The following ACYP2 variants were observed in gnomAD, a reference collection of about 807,000 sequenced individuals.
The protein encoded by ACYP2 is acylphosphatase 2.
ACYP2 carries 12 observed loss-of-function variants against 11.2 expected under a neutral mutation model. The ratio of observed to expected loss-of-function variants is 1.08; its 90% CI spans 0.69 to 1.74. ACYP2 has a LOEUF of 1.74. Ranked by LOEUF, ACYP2 falls within the 40% of genes most tolerant of loss-of-function variation. The probability of loss-of-function intolerance (pLI) is 0.00; values close to 1 mark genes in which losing one functional copy is unlikely to be tolerated. For synonymous variants in ACYP2, 43 were observed against 32.2 expected (o/e 1.33, Z -1.13); for missense variants, 134 against 101.9 (o/e 1.31, Z -1.35).
chr2:54,155,092 G>A (rs376197905), intron 6 of ACYP2, among the ~76,000 whole-genome samples: 14 of 152,048 alleles, frequency 9.2e-5, no homozygotes, highest in Non-Finnish European at 8.8e-5. Flanking sequence ...TTGTTTGTTC[G>A]TACTAATCTT....
intron 6 of ACYP2, among the ~76,000 whole-genome samples, chr2:54,174,536 C>A (rs1683355080): frequency 6.6e-6 from 1 of 152,074 alleles, no homozygotes; most frequent in Admixed American, 6.6e-5. Flanking sequence ...TGCCTGATTG[C>A]CCTGGCCAGA....
At chr2:54,253,865 A>G (rs1485641232) in intron 6 of ACYP2, 1 of 152,276 alleles carries the variant, frequency 6.6e-6, no homozygotes, top group African/African-American at 2.4e-5. Flanking sequence ...TTTACAGAAC[A>G]GCCTGCCTCT....
chr2:54,189,009 A>G (rs1025465707), intron 6 of ACYP2, among the ~76,000 whole-genome samples: 1 of 152,234 alleles, frequency 6.6e-6, no homozygotes, highest in African/African-American at 2.4e-5. Flanking sequence ...CCATTGGCAA[A>G]CAAACATGCT....
chr2:54,255,970 G>A (rs1465311180), intron 6 of ACYP2: 1 of 1,614,118 alleles, frequency 6.2e-7, no homozygotes, highest in Non-Finnish European at 8.5e-7. Flanking sequence ...GGGATCCTGG[G>A]GCGCGACCCC....
intron 6 of ACYP2, among the ~76,000 whole-genome samples, chr2:54,250,072 T>C (rs1687145851): frequency 6.6e-6 from 1 of 152,172 alleles, no homozygotes; most frequent in Non-Finnish European, 1.5e-5. Flanking sequence ...CTTTCTATTT[T>C]ATGCTCTAGA....
intron 6 of ACYP2, among the ~76,000 whole-genome samples, chr2:54,201,085 T>TA (rs1684732068): frequency 6.6e-6 from 1 of 151,556 alleles, no homozygotes; most frequent in South Asian, 2.1e-4. Flanking sequence ...CTTTGCCCAT[T>TA]AAAAAATTTG....
At chr2:54,152,835 A>G (rs982338487) in intron 6 of ACYP2, among the ~76,000 whole-genome samples, 1 of 151,690 alleles carries the variant, frequency 6.6e-6, no homozygotes, top group African/African-American at 2.4e-5. Context: ...TTGTTATTTT[A>G]TTAATTTTTT....
intron 6 of ACYP2, among the ~76,000 whole-genome samples, chr2:54,161,950 T>A (rs1682730653): frequency 6.6e-6 from 1 of 152,102 alleles, no homozygotes; most frequent in Admixed American, 6.6e-5. Context: ...TATTTTGGGA[T>A]TTTTTTAAAA....
intron 6 of ACYP2, among the ~76,000 whole-genome samples, chr2:54,222,290 C>T (rs974446340): frequency 6.6e-6 from 1 of 152,114 alleles, no homozygotes; most frequent in Admixed American, 6.5e-5. Context: ...TGGCTCATGC[C>T]TGTAGTCCTA....
At chr2:53,982,938 A>G (rs767431338) in intron 2 of ACYP2, among the ~76,000 whole-genome samples, 7 of 151,946 alleles carry the variant, frequency 4.6e-5, no homozygotes, top group Non-Finnish European at 7.4e-5. Context: ...CCTATAAGTT[A>G]GCATGAAATA....
intron 2 of ACYP2, among the ~76,000 whole-genome samples, chr2:54,012,665 C>T (rs1673437342): frequency 1.3e-5 from 2 of 152,160 alleles, no homozygotes; most frequent in African/African-American, 2.4e-5. Context: ...CTCTGTTACT[C>T]GTCTGATCTA....
At chr2:54,000,988 A>G (rs575764205) in intron 2 of ACYP2, among the ~76,000 whole-genome samples, 2 of 152,328 alleles carry the variant, frequency 1.3e-5, no homozygotes, top group East Asian at 1.9e-4. Flanking sequence ...ACTGCTTTCA[A>G]CTATAGCATA....
chr2:54,004,708 C>T (rs2104530533), intron 2 of ACYP2, among the ~76,000 whole-genome samples: 1 of 151,904 alleles, frequency 6.6e-6, no homozygotes, highest in East Asian at 1.9e-4. Context: ...CCGCGCTCAG[C>T]CAGTTTACCC....
At chr2:54,188,592 A>AT (rs1384891089) in intron 6 of ACYP2, among the ~76,000 whole-genome samples, 2 of 152,198 alleles carry the variant, frequency 1.3e-5, no homozygotes, top group Admixed American at 1.3e-4. Context: ...TGGGTATAGA[A>AT]TTTTTTATGT....
intron 6 of ACYP2, among the ~76,000 whole-genome samples, chr2:54,220,893 C>G (rs1301362431): frequency 6.6e-6 from 1 of 152,152 alleles, no homozygotes; most frequent in African/African-American, 2.4e-5. Context: ...TAATTTATTG[C>G]AGTTTCTCCT....
chr2:54,223,080 G>C (rs952169728), intron 6 of ACYP2: 2 of 152,172 alleles, frequency 1.3e-5, no homozygotes, highest in African/African-American at 4.8e-5. Context: ...AAGCTGGAGT[G>C]TCAGTGAGTG....
At chr2:54,020,400 C>T (rs1673942551) in intron 2 of ACYP2, among the ~76,000 whole-genome samples, 2 of 152,006 alleles carry the variant, frequency 1.3e-5, no homozygotes, top group Admixed American at 1.3e-4. Context: ...AAATGTCCTA[C>T]CAGAGACTAT....
intron 6 of ACYP2, among the ~76,000 whole-genome samples, chr2:54,218,088 C>T (rs1685632475): frequency 1.3e-5 from 2 of 152,186 alleles, no homozygotes; most frequent in Non-Finnish European, 2.9e-5. Flanking sequence ...GTATCTCACC[C>T]AGTTTTCAAG....
chr2:54,153,182 C>T (rs978176388), intron 6 of ACYP2, among the ~76,000 whole-genome samples: 5 of 152,022 alleles, frequency 3.3e-5, no homozygotes, highest in African/African-American at 9.7e-5. Flanking sequence ...TCTCACTCTT[C>T]TGCATGTGGA....
Sources: gnomAD v4.1 joint callset for allele counts (sites outside exome capture counted in the v4.1 genomes callset) on GRCh38, gnomAD v4.1.1 for gene constraint, MANE v1.5 for transcripts, NCBI Gene and HGNC (gene_info 2026-07-23, HGNC 2026-07-21) for gene names.